MYH6: variants seen among roughly 807,000 people sequenced by gnomAD.
The protein encoded by MYH6 is myosin heavy chain 6, also known as myosin-6.
Under a neutral mutation model 223.2 loss-of-function variants are expected in MYH6, and 126 were observed. That is an observed-to-expected ratio of 0.56 (90% CI 0.49 to 0.65). MYH6 has a LOEUF of 0.65. Ranked by LOEUF, MYH6 falls within the 30% of genes least tolerant of loss-of-function variation. The probability of loss-of-function intolerance (pLI) is 0.00; values close to 1 mark genes in which losing one functional copy is unlikely to be tolerated. For synonymous variants in MYH6, 978 were observed against 1,010.2 expected (o/e 0.97, Z 0.61); for missense variants, 2,040 against 2,536.4 (o/e 0.80, Z 4.20).
At chr14:23,402,631 G>A (rs45466392) in intron 11 of MYH6, 29 bp from the exon 12 acceptor site, 1 of 1,613,818 alleles carries the variant, frequency 6.2e-7, no homozygotes, top group Non-Finnish European at 8.5e-7. Context: ...CAAAGAGGGG[G>A]GTTGGAGCGG....
rs1183005068 is a variant in MYH6 at position 23,405,597 on chromosome 14, A to T, written c.345+30T>A. 6.2e-7 allele frequency: 1 copy of T among 1,613,980 alleles called. No homozygotes were observed. The highest frequency in any genetic ancestry group is 1.3e-5 in the African/African-American group (1 of 74,934). On this transcript the variant is annotated intron_variant, in intron 4 of 38. Coordinates refer to ENST00000405093, the MANE Select transcript of MYH6 (RefSeq NM_002471.4). The surrounding 1 kb of genome is among the most constrained non-coding windows in gnomAD (Gnocchi z 4.7). ...TATTTAGGCCTCCACGCAGCACAGG[A>T]AGCCTCTGCAGTGTGCAGGAGCCAC... is the stretch of plus-strand genomic sequence containing the variant.
chr14:23,389,072 G>GGGGGGGC lies in MYH6; in HGVS notation c.3979-18_3979-17insGCCCCCC. On this transcript the variant is annotated splice_polypyrimidine_tract_variant and intron_variant, in intron 28 of 38. Transcript: ENST00000405093. ...GTTCTTCGCCTGGGGAGGGGGGGGG[G>GGGGGGGC]CACCAGGAGGTGGGAGGGACTCCCT... 1.2e-5 allele frequency: 14 copies of GGGGGGGC among 1,135,042 alleles called. No individual in the cohort carries two copies. The highest frequency in any genetic ancestry group is 1.7e-5 in the Non-Finnish European group (13 of 774,046). 70.3% of individuals were successfully genotyped at this position (1,135,042 alleles called of 1,614,324 possible).
chr14:23,388,146 A>C lies in MYH6; in HGVS notation c.4359+9T>G. The stretch of plus-strand genomic sequence containing the variant: ...TGCATGCTGGCTGCGGCCCCCGCCC[A>C]TGGTCCACCTTGTCAAAGTTTCTCT... On this transcript the variant is annotated intron_variant, in intron 30 of 38. Transcript: ENST00000405093. 1 of 1,612,118 alleles carries C rather than the reference A, an allele frequency of 6.2e-7. No individual in the cohort carries two copies. Among genetic ancestry groups the C allele is most frequent in the Non-Finnish European group, 8.5e-7 (1 of 1,179,984 alleles).
chr14:23,397,220 G>A lies in MYH6; in HGVS notation c.2000C>T (p.Thr667Ile). Residue 667 changes from threonine to isoleucine, a missense_variant, in exon 17 of 39, where the codon ACC becomes ATC. By Grantham distance (89) the Thr-to-Ile change is moderately conservative. Around this residue, in one of 4 missense-constraint regions of MYH6, gnomAD observed 649 missense variants for 877.3 expected, o/e 0.74. Transcript: ENST00000405093. The part of the protein sequence containing the change: ...LNKLMTNLRT[T>I]HPHFVRCIIP... ...GATGCAACGCACAAAGTGAGGATGG[G>A]TGGTCCTCAGGTTGGTCATTAGCTT... 2 of 1,614,218 alleles carry A rather than the reference G, an allele frequency of 1.2e-6. No individual in the cohort carries two copies. Among genetic ancestry groups the A allele is most frequent in the Non-Finnish European group, 1.7e-6 (2 of 1,180,042 alleles).
intron 20 of MYH6, 42 bp from the exon 21 acceptor site, chr14:23,394,365 A>G: frequency 6.2e-7 from 1 of 1,612,786 alleles, no homozygotes; most frequent in Non-Finnish European, 8.5e-7. Context: ...ACTATAAAAG[A>G]GAGCTTCCCA....
intron 38 of MYH6, 142 bp downstream of exon 38, chr14:23,382,286 G>A: frequency 7.5e-7 from 1 of 1,333,276 alleles, no homozygotes. Flanking sequence ...TTGAGCAGGA[G>A]AGTGGATTCT....
intron 20 of MYH6, among the ~76,000 whole-genome samples, chr14:23,394,692 G>A (rs1444917437): frequency 6.6e-6 from 1 of 152,052 alleles, no homozygotes; most frequent in East Asian, 1.9e-4. Flanking sequence ...GACTATCCAT[G>A]AACCTACCAC....
chr14:23,394,521 C>A (rs866396964), intron 20 of MYH6, among the ~76,000 whole-genome samples, 198 bp from the exon 21 acceptor site: 1 of 152,180 alleles, frequency 6.6e-6, no homozygotes. Flanking sequence ...ATCCTCCCAG[C>A]TGGGATATTA....
rs879087190 is a variant in MYH6, at chr14:23,382,215, T to C, written c.5797-152A>G. On this transcript the variant is annotated intron_variant, in intron 38 of 38. Transcript: ENST00000405093. ...CCTGTGGTCCCACGTTAGAGGCACT[T>C]GTGGTTTAGGGGGATGGAACTGGGG... 17 of 1,110,886 alleles carry C rather than the reference T, an allele frequency of 1.5e-5. No individual in the cohort carries two copies. The South Asian group carries it at 1.8e-4, about 11-fold the overall frequency. 68.8% of individuals were successfully genotyped at this position (1,110,886 alleles called of 1,614,324 possible).
At chr14:23,399,144 C>T in intron 14 of MYH6, 107 bp from the exon 15 acceptor site, 1 of 1,373,308 alleles carries the variant, frequency 7.3e-7, no homozygotes, top group South Asian at 1.2e-5. Flanking sequence ...TAGCGCTGGC[C>T]TGCTGAAGGG....
rs772200784 is a variant in MYH6 at position 23,404,768 on chromosome 14, A to C, written c.585T>G (p.Phe195Leu). The C allele has an allele frequency of 3.1e-6, 5 of 1,614,004 alleles. No homozygotes were observed. Among genetic ancestry groups the C allele is most frequent in the Middle Eastern group, 1.6e-4 (1 of 6,084 alleles). ...GGTCACCTATGGCTGCAATGCTGGC[A>C]AAGTACTGGATGACACGCTTGGTGT... ...TVNTKRVIQY[F>L]ASIAAIGDRG... The change falls in exon 7 of 39, where the codon TTT (phenylalanine) becomes TTG (leucine). Residue 195 changes from phenylalanine to leucine, a missense_variant. Physicochemically the swap from Phe to Leu is conservative, Grantham distance 22. This residue lies in a region of MYH6 where 649 missense variants were observed against 877.3 expected (regional missense o/e 0.74). Coordinates refer to ENST00000405093, the MANE Select transcript of MYH6 (RefSeq NM_002471.4).
At chr14:23,382,104 A>G in intron 38 of MYH6, 41 bp from the exon 39 acceptor site, 3 of 1,574,962 alleles carry the variant, frequency 1.9e-6, no homozygotes, top group Admixed American at 1.7e-5. Flanking sequence ...AGCTGGCAAG[A>G]GGGAGAAGTG....
intron 15 of MYH6, among the ~76,000 whole-genome samples, chr14:23,397,822 G>A (rs184653978): frequency 1.3e-3 from 205 of 152,266 alleles, no homozygotes; most frequent in Admixed American, 5.2e-3. Flanking sequence ...GCTCACTGGT[G>A]CTTGCCCATA....
rs773162706 is a variant in MYH6 at position 23,394,138 on chromosome 14, C to A, written c.2615G>T (p.Arg872Leu). Residue 872 changes from arginine (R) to leucine (L), a missense_variant, in exon 21 of 39, where the codon CGC becomes CTC. Around this residue, in one of 4 missense-constraint regions of MYH6, gnomAD observed 1,203 missense variants for 1,400.2 expected, o/e 0.86. Transcript: ENST00000405093. Reference protein sequence around the residue: ...KETLEKSEARRKELEEKMVSL... With the variant: ...KETLEKSEARLKELEEKMVSL... ...CACCATCTTCTCCTCCAGCTCCTTGCGGCGAGCCTCGGACTTCTCCAGCGT... is the reference window on the plus strand; with the variant it reads ...CACCATCTTCTCCTCCAGCTCCTTGAGGCGAGCCTCGGACTTCTCCAGCGT... 3 of 1,614,072 alleles carry A rather than the reference C, an allele frequency of 1.9e-6. No homozygotes were observed. The highest frequency in any genetic ancestry group is 1.3e-5 in the African/African-American group (1 of 74,926).
intron 32 of MYH6, 77 bp from the exon 33 acceptor site, chr14:23,386,700 G>A: frequency 2.7e-6 from 4 of 1,503,014 alleles, no homozygotes; most frequent in Non-Finnish European, 3.6e-6. Flanking sequence ...GATACACGGT[G>A]TCAGCCAGGA....
chr14:23,393,117 T>G lies in MYH6; in HGVS notation c.3106-60A>C, dbSNP rs1429785975. On this transcript the variant is annotated intron_variant, in intron 23 of 38. Transcript: ENST00000405093. ...AACATGAAATCCATAGTGTATGCTCTTTTGCCTCCTTCTAAACTTGAAGTC... is the reference window on the plus strand; with the variant it reads ...AACATGAAATCCATAGTGTATGCTCGTTTGCCTCCTTCTAAACTTGAAGTC... 4 of 1,606,172 alleles carry G rather than the reference T, an allele frequency of 2.5e-6. No individual in the cohort carries two copies. The African/African-American group carries it at 5.4e-5, about 21-fold the overall frequency.
chr14:23,406,957 G>A, intron 3 of MYH6, 66 bp downstream of exon 3: 2 of 1,546,062 alleles, frequency 1.3e-6, no homozygotes, highest in Non-Finnish European at 1.8e-6. Flanking sequence ...CCTGCAAGTG[G>A]CTCCACCTCT....
At position 23,396,714 on chromosome 14, in the gene MYH6, A is replaced by T. The variant is rs1316699265; in HGVS notation, c.2272T>A (p.Tyr758Asn). ...LSSLDIDHNQYKFGHTKVFFK... is the reference protein window; with the variant it reads ...LSSLDIDHNQNKFGHTKVFFK... ...CTCACCTTGGTGTGGCCAAACTTGT[A>T]CTGGTTGTGATCAATGTCCAGAGAG... Residue 758 changes from tyrosine to asparagine, a missense_variant, in exon 19 of 39, where the codon TAC becomes AAC. Coordinates refer to ENST00000405093, the MANE Select transcript of MYH6 (RefSeq NM_002471.4). 3.1e-6 allele frequency: 5 copies of T among 1,613,862 alleles called. No individual in the cohort carries two copies. Among genetic ancestry groups the T allele is most frequent in the Non-Finnish European group, 4.2e-6 (5 of 1,179,878 alleles).
In MYH6 at chr14:23,383,803, C is replaced by T. The variant is rs531980061; in HGVS notation, c.5566-483G>A. On this transcript the variant is annotated intron_variant, in intron 36 of 38. Coordinates refer to ENST00000405093, the MANE Select transcript of MYH6 (RefSeq NM_002471.4). ...ATCGGGATCACTGGCTCCAACGTCA[C>T]TCGATCATTCCTATCTCTTTATCAT... Among the ~76,000 whole-genome samples the T allele has an allele frequency of 7.2e-5, 11 of 152,358 alleles. No homozygotes were observed. The South Asian group carries it at 2.3e-3, about 32-fold the overall frequency.
Sources: allele counts gnomAD v4.1 joint callset (sites outside exome capture counted in the v4.1 genomes callset), GRCh38; gene constraint gnomAD v4.1.1; regional missense constraint gnomAD v4.1.1; non-coding constraint Gnocchi (gnomAD v3.1); transcripts MANE v1.5; gene names NCBI Gene and HGNC (gene_info 2026-07-23, HGNC 2026-07-21).